The following ERBB4 variants were observed in gnomAD, a reference collection of about 807,000 sequenced individuals.
ERBB4 encodes the protein receptor tyrosine-protein kinase erbB-4.
ERBB4 carries 42 observed loss-of-function variants against 158.0 expected under a neutral mutation model. That is an observed-to-expected ratio of 0.27 (90% CI 0.21 to 0.34). The LOEUF (loss-of-function observed/expected upper bound fraction) is 0.34. Among genes scored for constraint, ERBB4 ranks in the 10% least tolerant of loss-of-function variants. The pLI is 1.00. For missense variants in ERBB4, 1,333 were observed against 1,624.1 expected, an observed-to-expected ratio of 0.82 and a Z score of 3.08; for synonymous variants, 583 against 558.7, an observed-to-expected ratio of 1.04 and a Z score of -0.61.
At chr2:211,839,457 A>G (rs1367714759) in intron 3 of ERBB4, among the ~76,000 whole-genome samples, 1 of 152,116 alleles carries the variant, frequency 6.6e-6, no homozygotes, top group Non-Finnish European at 1.5e-5. Flanking sequence ...GAAAAAGATT[A>G]AAAGTATATT....
intron 25 of ERBB4, among the ~76,000 whole-genome samples, chr2:211,402,366 A>C (rs1236567525): frequency 6.6e-6 from 1 of 152,080 alleles, no homozygotes; most frequent in East Asian, 1.9e-4. Context: ...AAAAAACGAT[A>C]AATGAGAAGA....
chr2:211,673,675 T>C (rs1257285838), intron 13 of ERBB4, among the ~76,000 whole-genome samples: 1 of 152,102 alleles, frequency 6.6e-6, no homozygotes, highest in South Asian at 2.1e-4. Context: ...GTATTTTTCT[T>C]GTTGCTAAGT....
chr2:212,383,165 T>A (rs2090565666), intron 1 of ERBB4, among the ~76,000 whole-genome samples: 2 of 151,406 alleles, frequency 1.3e-5, no homozygotes, highest in South Asian at 4.1e-4. Flanking sequence ...TGATTTTGCA[T>A]TGAATTTATA....
chr2:211,969,888 C>G (rs972789861), intron 2 of ERBB4, among the ~76,000 whole-genome samples: 10 of 151,930 alleles, frequency 6.6e-5, no homozygotes, highest in African/African-American at 2.4e-4. Flanking sequence ...TCTCTCTCCT[C>G]CAGTTCAGTT....
intron 5 of ERBB4, among the ~76,000 whole-genome samples, chr2:211,730,320 T>C (rs1038209815): frequency 2.5e-4 from 38 of 151,998 alleles, no homozygotes; most frequent in African/African-American, 8.9e-4. Flanking sequence ...TCATAAATAA[T>C]GCAAAACAGA....
intron 2 of ERBB4, among the ~76,000 whole-genome samples, chr2:211,997,386 C>G (rs1325738041): frequency 6.6e-6 from 1 of 151,796 alleles, no homozygotes; most frequent in Non-Finnish European, 1.5e-5. Flanking sequence ...TTTACTGAAG[C>G]AAGAAACCTA....
intron 1 of ERBB4, among the ~76,000 whole-genome samples, chr2:212,375,491 C>A (rs150141921): frequency 4.8e-4 from 73 of 152,092 alleles, no homozygotes; most frequent in African/African-American, 1.7e-3. Context: ...GTGTGTGGTT[C>A]GTGTTTAGAA....
intron 3 of ERBB4, among the ~76,000 whole-genome samples, chr2:211,947,089 A>T (rs2080720810): frequency 6.6e-6 from 1 of 152,124 alleles, no homozygotes; most frequent in Non-Finnish European, 1.5e-5. Context: ...AATGATAGTT[A>T]TCTCATTATT....
chr2:211,402,213 A>G (rs1371439133), intron 25 of ERBB4, among the ~76,000 whole-genome samples: 1 of 152,022 alleles, frequency 6.6e-6, no homozygotes, highest in Non-Finnish European at 1.5e-5. Flanking sequence ...CTTTTAGGGT[A>G]ACAAGCTCCT....
intron 12 of ERBB4, among the ~76,000 whole-genome samples, chr2:211,688,287 T>G (rs2072652353): frequency 6.6e-6 from 1 of 152,230 alleles, no homozygotes; most frequent in Admixed American, 6.5e-5. Flanking sequence ...GTTGTCTCTC[T>G]GTGCTGCTTT....
At chr2:211,417,197 G>C (rs1311934801) in intron 25 of ERBB4, among the ~76,000 whole-genome samples, 2 of 152,130 alleles carry the variant, frequency 1.3e-5, no homozygotes, top group Non-Finnish European at 2.9e-5. Flanking sequence ...TTGAGGCCAG[G>C]CATGGTGGCT....
At position 211,659,334 on chromosome 2, in the gene ERBB4, GA is replaced by G. The variant is rs1358477204; in HGVS notation, c.1872-1507del. On this transcript the variant is annotated intron_variant, in intron 15 of 27. Coordinates refer to ENST00000342788, the MANE Select transcript of ERBB4 (RefSeq NM_005235.3). ...AGTCTTTTAAAAAGCAACTAAAAAGGAAAAAAACTAGAGTACATAGCATTAA... is the reference window on the plus strand; with the variant it reads ...AGTCTTTTAAAAAGCAACTAAAAAGGAAAAAACTAGAGTACATAGCATTAA... Among the ~76,000 whole-genome samples the G allele has an allele frequency of 2.0e-5, 3 of 151,584 alleles. No homozygotes were observed. The East Asian group carries it at 5.8e-4, about 29-fold the overall frequency.
intron 1 of ERBB4, among the ~76,000 whole-genome samples, chr2:212,347,403 A>T (rs1431198123): frequency 6.6e-6 from 1 of 152,130 alleles, no homozygotes; most frequent in Non-Finnish European, 1.5e-5. Flanking sequence ...TTCAAAAAAA[A>T]GGGCATTGGG....
chr2:211,488,776 A>C (rs1430765075), intron 20 of ERBB4, among the ~76,000 whole-genome samples: 1 of 152,098 alleles, frequency 6.6e-6, no homozygotes, highest in African/African-American at 2.4e-5. Context: ...TTCCTGTAGA[A>C]GTAAACTATT....
At chr2:211,630,675 A>T (rs1574890747) in intron 16 of ERBB4, 81 bp from the exon 17 acceptor site, 18 of 1,238,302 alleles carry the variant, frequency 1.5e-5, no homozygotes, top group Non-Finnish European at 2.0e-5. Context: ...CAGTTGTACA[A>T]GACATTATCC....
intron 20 of ERBB4, among the ~76,000 whole-genome samples, chr2:211,455,786 A>G (rs11885425): frequency 0.093 from 14,213 of 152,208 alleles, 2,236 homozygotes; most frequent in African/African-American, 0.32. Flanking sequence ...TGCCAGTTTC[A>G]AGAGAGAGCT....
chr2:212,506,519 C>G (rs1691204482), intron 1 of ERBB4, among the ~76,000 whole-genome samples: 3 of 147,518 alleles, frequency 2.0e-5, no homozygotes, highest in Admixed American at 2.0e-4. Flanking sequence ...CCAGTGAACA[C>G]ACAAATGATA....
intron 1 of ERBB4, among the ~76,000 whole-genome samples, chr2:212,344,496 G>GTA (rs774473717): frequency 6.6e-6 from 1 of 150,420 alleles, no homozygotes; most frequent in Non-Finnish European, 1.5e-5. Context: ...GTGTGTGTGT[G>GTA]TATATGTGTG....
chr2:211,797,674 C>A (rs1007876854), intron 3 of ERBB4, among the ~76,000 whole-genome samples: 1 of 151,636 alleles, frequency 6.6e-6, no homozygotes, highest in Non-Finnish European at 1.5e-5. Context: ...GAAGTCTCAG[C>A]TAAAATGCCT....
Sources: gnomAD v4.1 joint callset for allele counts (sites outside exome capture counted in the v4.1 genomes callset) on GRCh38, gnomAD v4.1.1 for gene constraint, MANE v1.5 for transcripts, NCBI Gene and HGNC (gene_info 2026-07-23, HGNC 2026-07-21) for gene names.